Variants in BMP5 observed in about 807,000 individuals in gnomAD.
BMP5 encodes the protein bone morphogenetic protein 5.
BMP5 carries 23 observed loss-of-function variants against 46.6 expected under a neutral mutation model. That is an observed-to-expected ratio of 0.49 (90% CI 0.35 to 0.70). The LOEUF (loss-of-function observed/expected upper bound fraction) is 0.70, where lower values mean the gene tolerates loss of function less well. Among genes scored for constraint, BMP5 ranks in the 30% least tolerant of loss-of-function variants. BMP5 has a pLI of 0.00. For synonymous variants in BMP5, 204 were observed against 191.9 expected, an observed-to-expected ratio of 1.06 and a Z score of -0.52; for missense variants, 545 against 565.6, an observed-to-expected ratio of 0.96 and a Z score of 0.37.
chr6:55,837,987 G>C (rs1320565458), intron 1 of BMP5, among the ~76,000 whole-genome samples: 4 of 152,122 alleles, frequency 2.6e-5, no homozygotes, highest in African/African-American at 9.7e-5. Context: ...AAACGACTGG[G>C]TCTCATTCTT....
intron 2 of BMP5, among the ~76,000 whole-genome samples, chr6:55,794,664 G>C (rs1775662402): frequency 6.6e-6 from 1 of 152,108 alleles, no homozygotes; most frequent in African/African-American, 2.4e-5. Flanking sequence ...CCATTTTCCT[G>C]CTTTTCATTG....
intron 1 of BMP5, among the ~76,000 whole-genome samples, chr6:55,863,354 T>TA (rs1186391455): frequency 6.6e-6 from 1 of 152,204 alleles, no homozygotes; most frequent in Non-Finnish European, 1.5e-5. Flanking sequence ...TGGTGAAGAA[T>TA]ATAAAAACTG....
At chr6:55,844,452 C>T (rs773234803) in intron 1 of BMP5, among the ~76,000 whole-genome samples, 36 of 151,886 alleles carry the variant, frequency 2.4e-4, no homozygotes, top group East Asian at 1.3e-3. Flanking sequence ...CAACAGATTA[C>T]GCATATTTGT....
At chr6:55,842,252 G>A (rs1310689507) in intron 1 of BMP5, among the ~76,000 whole-genome samples, 4 of 152,082 alleles carry the variant, frequency 2.6e-5, no homozygotes, top group African/African-American at 9.7e-5. Flanking sequence ...CTAAGGCATG[G>A]TCCTATCTTA....
rs749127959 is a variant in BMP5, at chr6:55,759,124, T to TACACAC, written c.1105-15_1105-10dup. On this transcript the variant is annotated splice_polypyrimidine_tract_variant and intron_variant, in intron 5 of 6. Transcript: ENST00000370830. Reference sequence around the variant, plus strand: ...GGTGCTATAATCCAGTCCTGACACATACACACACACACACACACACAAAAA... The same window carrying TACACAC: ...GGTGCTATAATCCAGTCCTGACACATACACACACACACACACACACACACACAAAAA... The TACACAC allele has an allele frequency of 3.7e-3, 1,611 of 437,160 alleles. 74 individuals are homozygous for TACACAC. The highest frequency in any genetic ancestry group is 0.024 in the East Asian group (464 of 19,374). The allele number at this position is 437,160 out of a possible 1,614,324, so 27.1% of individuals were successfully genotyped here.
intron 1 of BMP5, among the ~76,000 whole-genome samples, chr6:55,870,593 G>T (rs980097332): frequency 6.6e-6 from 1 of 152,084 alleles, no homozygotes; most frequent in Admixed American, 6.6e-5. Context: ...CTGTTGGAGA[G>T]ACTACATAGA....
intron 2 of BMP5, among the ~76,000 whole-genome samples, chr6:55,801,958 G>A (rs1336369253): frequency 1.3e-5 from 2 of 152,190 alleles, no homozygotes; most frequent in African/African-American, 2.4e-5. Context: ...TATGCCACAA[G>A]TTGGGTACCA....
chr6:55,764,553 C>A (rs1380498391), intron 4 of BMP5, among the ~76,000 whole-genome samples: 2 of 131,102 alleles, frequency 1.5e-5, no homozygotes, highest in Admixed American at 8.9e-5. Context: ...GCCTGGGCGA[C>A]AGAGCAAGAC....
chr6:55,788,120 C>T (rs953413378), intron 3 of BMP5, among the ~76,000 whole-genome samples: 1 of 151,634 alleles, frequency 6.6e-6, no homozygotes, highest in Admixed American at 6.6e-5. Flanking sequence ...GGTTTATTAA[C>T]TCAAATACTA....
At position 55,755,589 on chromosome 6, in the gene BMP5, T is replaced by C; in HGVS notation, c.1309A>G (p.Asn437Asp). 6.2e-7 allele frequency: 1 copy of C among 1,612,016 alleles called. No homozygotes were observed. The highest frequency in any genetic ancestry group is 8.5e-7 in the Non-Finnish European group (1 of 1,178,544). ...ISVLYFDDSS[N>D]VILKKYRNMV... ...TTTCTATATTTTTTCAAAATGACATTGGAGCTGTCATCAAAGTACAGAACA... is the reference window on the plus strand; with the variant it reads ...TTTCTATATTTTTTCAAAATGACATCGGAGCTGTCATCAAAGTACAGAACA... Residue 437 changes from asparagine (N) to aspartate (D), a missense_variant, in exon 7 of 7, where the codon AAT (asparagine) becomes GAT (aspartate). By Grantham distance (23) the Asn-to-Asp change is conservative. Transcript: ENST00000370830.
intron 2 of BMP5, among the ~76,000 whole-genome samples, chr6:55,809,185 C>T (rs1202826047): frequency 1.3e-5 from 2 of 152,004 alleles, no homozygotes; most frequent in Admixed American, 1.3e-4. Context: ...AAATCTATTG[C>T]AAGGATAAAA....
At chr6:55,797,614 C>CTTTT (rs60366569) in intron 2 of BMP5, among the ~76,000 whole-genome samples, 118 of 110,436 alleles carry the variant, frequency 1.1e-3, no homozygotes, top group African/African-American at 1.5e-3. Context: ...ATTTTCTTTT[C>CTTTT]TTTTTTTTTT....
At chr6:55,763,000 T>C (rs1442195344) in intron 4 of BMP5, among the ~76,000 whole-genome samples, 2 of 152,110 alleles carry the variant, frequency 1.3e-5, no homozygotes, top group Admixed American at 1.3e-4. Context: ...CTGCAAAATA[T>C]TGTCCTTCTT....
At chr6:55,850,367 T>C (rs1562069889) in intron 1 of BMP5, among the ~76,000 whole-genome samples, 1 of 143,286 alleles carries the variant, frequency 7.0e-6, no homozygotes. Flanking sequence ...GATAGATAGA[T>C]AGATAGATAG....
chr6:55,828,191 G>A (rs554823376), intron 1 of BMP5, among the ~76,000 whole-genome samples: 21 of 151,794 alleles, frequency 1.4e-4, no homozygotes, highest in Non-Finnish European at 2.7e-4. Context: ...GTGAATATTT[G>A]TGGTTACATG....
Position 55,875,046 on chromosome 6 carries a change from A to G in BMP5, c.-181T>C. 1 of 656,504 alleles carries G rather than the reference A, an allele frequency of 1.5e-6. No homozygotes were observed. The highest frequency in any genetic ancestry group is 2.5e-6 in the Non-Finnish European group (1 of 393,806). The allele number at this position is 656,504 out of a possible 1,614,324, so 40.7% of individuals were successfully genotyped here. A position where few individuals can be genotyped will look rare whatever the true frequency, so the allele number is the denominator to read the frequency against. On this transcript the variant is annotated 5_prime_UTR_variant, in exon 1 of 7. Transcript: ENST00000370830. ...CCGATTTTCCTGTCCTATTTTAAATATTTTGGAATATGTCAAGAGTAGTTA... is the reference window on the plus strand; with the variant it reads ...CCGATTTTCCTGTCCTATTTTAAATGTTTTGGAATATGTCAAGAGTAGTTA...
chr6:55,842,182 T>C (rs76165461), intron 1 of BMP5, among the ~76,000 whole-genome samples: 288 of 152,316 alleles, frequency 1.9e-3, no homozygotes, highest in Non-Finnish European at 3.1e-3. Flanking sequence ...ATCCTCTTAG[T>C]CCCGTCAAAA....
At chr6:55,780,345 G>C (rs1267301150) in intron 3 of BMP5, among the ~76,000 whole-genome samples, 1 of 151,344 alleles carries the variant, frequency 6.6e-6, no homozygotes, top group Non-Finnish European at 1.5e-5. Flanking sequence ...TTATGGCCAG[G>C]AATGGTGGCT....
chr6:55,863,130 A>G (rs1011428946), intron 1 of BMP5, among the ~76,000 whole-genome samples: 6 of 152,154 alleles, frequency 3.9e-5, no homozygotes, highest in African/African-American at 1.4e-4. Context: ...TTGTTAAATG[A>G]CTGAATGAAT....
Sources: allele counts gnomAD v4.1 joint callset (sites outside exome capture counted in the v4.1 genomes callset), GRCh38; gene constraint gnomAD v4.1.1; transcripts MANE v1.5; gene names NCBI Gene and HGNC (gene_info 2026-07-23, HGNC 2026-07-21).